The following SYBU variants were observed in gnomAD, a reference collection of about 807,000 sequenced individuals.
SYBU encodes syntabulin.
Under a neutral mutation model 35.9 loss-of-function variants are expected in SYBU, and 21 were observed. That is an observed-to-expected ratio of 0.58 (90% CI 0.41 to 0.84). SYBU has a LOEUF of 0.84. SYBU is among the 40% of genes least tolerant of loss of function. SYBU has a pLI of 0.00. For synonymous variants in SYBU, 319 were observed against 324.3 expected, an observed-to-expected ratio of 0.98 and a Z score of 0.18; for missense variants, 768 against 848.2, an observed-to-expected ratio of 0.91 and a Z score of 1.17.
At chr8:109,618,372 C>T (rs986858243) in intron 3 of SYBU, among the ~76,000 whole-genome samples, 1 of 152,136 alleles carries the variant, frequency 6.6e-6, no homozygotes, top group Non-Finnish European at 1.5e-5. Context: ...ATATTTAAAT[C>T]TCTAAAAGAC....
At chr8:109,602,286 G>T (rs183572208) in intron 3 of SYBU, among the ~76,000 whole-genome samples, 1 of 152,140 alleles carries the variant, frequency 6.6e-6, no homozygotes, top group Admixed American at 6.5e-5. Flanking sequence ...GTTTGGAAAA[G>T]CAAACAAAAT....
At chr8:109,630,840 C>T (rs1423918955) in intron 2 of SYBU, among the ~76,000 whole-genome samples, 2 of 152,132 alleles carry the variant, frequency 1.3e-5, no homozygotes, top group Non-Finnish European at 2.9e-5. Context: ...CATCATCACC[C>T]TACAGGTGAG....
chr8:109,674,446 G>A lies in SYBU; in HGVS notation c.-129+6265C>T, dbSNP rs185342595. On this transcript the variant is annotated intron_variant, in intron 1 of 5. Transcript: ENST00000408889. ...TATCCAGCCAAACTAAGCTTCATAA[G>A]CAAAGGAGAAATAAAATCCTTTACA... 1.9e-3 allele frequency among the ~76,000 whole-genome samples: 287 copies of A among 152,184 alleles called. 2 individuals are homozygous for A. Among genetic ancestry groups the A allele is most frequent in the African/African-American group, 5.9e-3 (246 of 41,510 alleles).
chr8:109,636,180 T>C (rs1311013527), intron 2 of SYBU, among the ~76,000 whole-genome samples: 1 of 152,182 alleles, frequency 6.6e-6, no homozygotes, highest in African/African-American at 2.4e-5. Flanking sequence ...TAACTCAAAT[T>C]TGCTGATGCC....
At chr8:109,633,902 T>C (rs1387087763) in intron 2 of SYBU, among the ~76,000 whole-genome samples, 1 of 149,386 alleles carries the variant, frequency 6.7e-6, no homozygotes, top group East Asian at 1.9e-4. Flanking sequence ...CCCAGCTAAT[T>C]TTTGCATTTT....
Position 109,691,461 on chromosome 8 carries a change from C to G in SYBU, c.-186G>C. The G allele has an allele frequency of 1.6e-6, 1 of 614,110 alleles. No individual in the cohort carries two copies. The highest frequency in any genetic ancestry group is 1.8e-5 in the South Asian group (1 of 54,236). The allele number at this position is 614,110 out of a possible 1,614,324, so 38.0% of individuals were successfully genotyped here. A position where few individuals can be genotyped will look rare whatever the true frequency, so the allele number is the denominator to read the frequency against. On this transcript the variant is annotated 5_prime_UTR_variant, in exon 1 of 8. Coordinates refer to the SYBU transcript ENST00000422135. This position sits in a 1 kb window ranked among gnomAD's most constrained non-coding sequence, Gnocchi z 4.7. The stretch of plus-strand genomic sequence containing the variant: ...CCCCGCGTCGCTGCTGGTTTGCGCT[C>G]AGGCCCGGGGAGCCGGGCCCGGCCC...
Position 109,575,335 on chromosome 8 carries a change from A to C in SYBU, c.1563T>G (p.Pro521=). ...QDPCPSSLAS[P]DESEPDSMES... is the part of the protein sequence containing the mutation. Reference sequence around the variant, plus strand: ...CCATCGAGTCTGGTTCAGACTCATCAGGGGACGCCAAGCTCGAGGGACAGG... The same window carrying C: ...CCATCGAGTCTGGTTCAGACTCATCCGGGGACGCCAAGCTCGAGGGACAGG... Residue 521 remains proline, a synonymous_variant, in exon 7 of 7, where the codon CCT becomes CCG. Coordinates refer to ENST00000276646, the MANE Select transcript of SYBU (RefSeq NM_001099754.2). 6.2e-7 allele frequency: 1 copy of C among 1,614,164 alleles called. No individual in the cohort carries two copies. The highest frequency in any genetic ancestry group is 8.5e-7 in the Non-Finnish European group (1 of 1,180,004).
chr8:109,610,606 T>C (rs1406640540), intron 3 of SYBU, among the ~76,000 whole-genome samples: 2 of 152,232 alleles, frequency 1.3e-5, no homozygotes, highest in African/African-American at 2.4e-5. Context: ...TGCTCTTAGA[T>C]ACAGGCTTAG....
chr8:109,580,132 A>G (rs1441160099), intron 4 of SYBU, 130 bp from the exon 5 acceptor site: 2 of 862,284 alleles, frequency 2.3e-6, no homozygotes, highest in East Asian at 2.6e-5. Flanking sequence ...ATTCGTGTAG[A>G]CTGTCCTTAG....
At chr8:109,679,628 T>C (rs145226499) in intron 1 of SYBU, among the ~76,000 whole-genome samples, 17 of 152,316 alleles carry the variant, frequency 1.1e-4, no homozygotes, top group Non-Finnish European at 2.4e-4. Flanking sequence ...GGACATCAGG[T>C]AGGTGTGAGG....
chr8:109,578,118 C>T (rs1298871256), intron 5 of SYBU, 101 bp from the exon 6 acceptor site: 1 of 1,307,842 alleles, frequency 7.6e-7, no homozygotes, highest in African/African-American at 1.5e-5. Context: ...TGTGTCCCTC[C>T]AGAATTCATA....
At chr8:109,657,116 G>T (rs1221032099) in intron 1 of SYBU, among the ~76,000 whole-genome samples, 2 of 151,674 alleles carry the variant, frequency 1.3e-5, no homozygotes, top group African/African-American at 4.8e-5. Context: ...TTTCTCCCTT[G>T]GTTGAATCCT....
chr8:109,585,618 G>A (rs563940935), intron 4 of SYBU: 3 of 158,978 alleles, frequency 1.9e-5, no homozygotes, highest in African/African-American at 7.2e-5. Context: ...GGAGTGGTCA[G>A]GGAGTAGCTG....
At position 109,615,185 on chromosome 8, in the gene SYBU, C is replaced by T. The variant is rs1231538180; in HGVS notation, c.427+3657G>A. ...TAATATTAAAGAGTCCCTGAGCCTC[C>T]GTATAAGAGCCACTAATTGCTTGCT... On this transcript the variant is annotated intron_variant, in intron 3 of 6. Coordinates refer to ENST00000276646, the MANE Select transcript of SYBU (RefSeq NM_001099754.2). 5.9e-5 allele frequency among the ~76,000 whole-genome samples: 9 copies of T among 152,128 alleles called. No homozygotes were observed. In the East Asian group the frequency reaches 1.4e-3, roughly 23 times the overall value.
chr8:109,662,639 C>T (rs1322494048), intron 1 of SYBU, among the ~76,000 whole-genome samples: 1 of 152,108 alleles, frequency 6.6e-6, no homozygotes, highest in Non-Finnish European at 1.5e-5. Context: ...ATCTTGTAGA[C>T]CCTCTCCTCA....
intron 1 of SYBU, among the ~76,000 whole-genome samples, chr8:109,667,113 G>A (rs1816781471): frequency 6.6e-6 from 1 of 152,028 alleles, no homozygotes; most frequent in South Asian, 2.1e-4. Context: ...TATTACTATT[G>A]TTATTATTAT....
intron 2 of SYBU, among the ~76,000 whole-genome samples, chr8:109,631,684 G>A (rs1022471750): frequency 6.6e-6 from 1 of 152,160 alleles, no homozygotes. Context: ...CTACCTAGAG[G>A]TTTTGGCGAG....
At chr8:109,674,347 C>A (rs1160386248) in intron 1 of SYBU, among the ~76,000 whole-genome samples, 4 of 152,046 alleles carry the variant, frequency 2.6e-5, no homozygotes, top group Non-Finnish European at 5.9e-5. Context: ...TCTGCAGAAA[C>A]CCTACAAGCC....
chr8:109,682,275 G>T (rs1181704778), upstream of SYBU, among the ~76,000 whole-genome samples: 4 of 152,160 alleles, frequency 2.6e-5, no homozygotes, highest in African/African-American at 9.7e-5. Flanking sequence ...ACTTTCTAGA[G>T]ACTTGGAGGG....
Sources: allele counts gnomAD v4.1 joint callset (sites outside exome capture counted in the v4.1 genomes callset), GRCh38; gene constraint gnomAD v4.1.1; non-coding constraint Gnocchi (gnomAD v3.1); transcripts MANE v1.5; gene names NCBI Gene and HGNC (gene_info 2026-07-23, HGNC 2026-07-21).